The following TSC2 variants were observed in gnomAD, a reference collection of about 807,000 sequenced individuals.
The protein encoded by TSC2 is tuberin.
Under a neutral mutation model 202.2 loss-of-function variants are expected in TSC2, and 29 were observed. The ratio of observed to expected loss-of-function variants is 0.14; its 90% CI spans 0.11 to 0.20. The LOEUF (loss-of-function observed/expected upper bound fraction) is 0.20, where lower values mean the gene tolerates loss of function less well. TSC2 is among the 10% of genes least tolerant of loss of function. TSC2 has a pLI of 1.00. For missense variants in TSC2, 2,429 were observed against 2,420.0 expected, an observed-to-expected ratio of 1.00 and a Z score of -0.08; for synonymous variants, 1,349 against 1,044.0, an observed-to-expected ratio of 1.29 and a Z score of -5.63.
At position 2,079,659 on chromosome 16, in the gene TSC2, T is replaced by C; in HGVS notation, c.3387T>C (p.Arg1129=). ...CCCGTGGGGCCCGGGATCGGGTCCG[T>C]TCCATGTCGGGTGAGCCTTGGCCCC... ...QVSRGARDRV[R]SMSGGHGLRV... The change falls in exon 29 of 42, where the codon CGT becomes CGC. Residue 1129 remains arginine (R), a synonymous_variant. Transcript: ENST00000219476. The surrounding 1 kb of genome is among the most constrained non-coding windows in gnomAD (Gnocchi z 4.6). 6.3e-7 allele frequency: 1 copy of C among 1,595,082 alleles called. No individual in the cohort carries two copies. Among genetic ancestry groups the C allele is most frequent in the African/African-American group, 1.3e-5 (1 of 74,778 alleles).
rs915706457 is a variant in TSC2, at chr16:2,088,696, T to C, written c.*86T>C. ...AAGTCCTGACCCCAGTGCACAGACA[T>C]AGAGGCACAGATTGCAGTCAGACAG... On this transcript the variant is annotated 3_prime_UTR_variant, in exon 42 of 42. Transcript: ENST00000219476. 4.0e-5 allele frequency: 60 copies of C among 1,490,380 alleles called. No individual in the cohort carries two copies. The highest frequency in any genetic ancestry group is 4.8e-5 in the Non-Finnish European group (53 of 1,109,480). 92.3% of individuals were successfully genotyped at this position (1,490,380 alleles called of 1,614,324 possible).
Position 2,089,148 on chromosome 16 carries a change from G to A in TSC2, c.*538G>A, listed in dbSNP as rs563305714. On this transcript the variant is annotated 3_prime_UTR_variant, in exon 42 of 42. Coordinates refer to ENST00000219476, the MANE Select transcript of TSC2 (RefSeq NM_000548.5). ...CCAAGCTCGCATCCAAGCAGCAGCC[G>A]GGCTGCCATAACGCCACCACACCTA... 27 of 169,808 alleles carry A rather than the reference G, an allele frequency of 1.6e-4. No individual in the cohort carries two copies. The South Asian group carries it at 2.6e-3, about 17-fold the overall frequency. 10.5% of individuals were successfully genotyped at this position (169,808 alleles called of 1,614,324 possible).
chr16:2,074,406 C>A lies in TSC2; in HGVS notation c.2545+17C>A, dbSNP rs748247724. ...TCCTGTCCAGTGAGTCCCCGCCCTGCCTGCGCATGCACCCGAGAGGTTCGG... is the reference window on the plus strand; with the variant it reads ...TCCTGTCCAGTGAGTCCCCGCCCTGACTGCGCATGCACCCGAGAGGTTCGG... On this transcript the variant is annotated intron_variant, in intron 22 of 41. Transcript: ENST00000219476. The A allele has an allele frequency of 1.5e-5, 24 of 1,607,508 alleles. No homozygotes were observed. Among genetic ancestry groups the A allele is most frequent in the Non-Finnish European group, 2.0e-5 (24 of 1,179,976 alleles).
intron 11 of TSC2, chr16:2,061,505 A>C (rs996118511): frequency 1.8e-5 from 7 of 380,228 alleles, no homozygotes; most frequent in African/African-American, 8.4e-5. Flanking sequence ...AGTTGTGGCT[A>C]CTCTTGGCCC....
At chr16:2,048,565 C>T (rs368607331) in intron 1 of TSC2, 22 bp from the exon 2 acceptor site, 3 of 1,613,148 alleles carry the variant, frequency 1.9e-6, no homozygotes, top group South Asian at 2.2e-5. Context: ...CAGATGTCCC[C>T]ATTCCTGTTT....
chr16:2,088,232 C>T lies in TSC2; in HGVS notation c.5166C>T (p.Ala1722=), dbSNP rs2151627785. 4 of 1,613,210 alleles carry T rather than the reference C, an allele frequency of 2.5e-6. No homozygotes were observed. The highest frequency in any genetic ancestry group is 3.4e-6 in the Non-Finnish European group (4 of 1,180,008). Residue 1722 remains alanine, a synonymous_variant, in exon 41 of 42, where the codon GCC becomes GCT. Coordinates refer to ENST00000219476, the MANE Select transcript of TSC2 (RefSeq NM_000548.5). The stretch of plus-strand genomic sequence containing the variant: ...CCCCCTGCCTACGTCCCCAGATGGC[C>T]TCACAGGTGCATCATAGCCGCTCCA... ...ARQMALHANM[A]SQVHHSRSNP... is the part of the protein sequence containing the mutation.
At chr16:2,048,829 C>T (rs1384722260) in intron 2 of TSC2, 76 bp downstream of exon 2, 2 of 1,601,254 alleles carry the variant, frequency 1.2e-6, no homozygotes, top group African/African-American at 2.7e-5. Context: ...GCACCAGGTT[C>T]TGTGGGAGAC....
chr16:2,074,167 C>T (rs748710574), intron 21 of TSC2, 33 bp from the exon 22 acceptor site: 28 of 1,609,068 alleles, frequency 1.7e-5, no homozygotes, highest in East Asian at 6.7e-5. Flanking sequence ...CTGCTGCAAG[C>T]GGGTGGGGCC....
chr16:2,059,812 C>CTAAGG (rs2086407149), intron 10 of TSC2, among the ~76,000 whole-genome samples: 1 of 152,274 alleles, frequency 6.6e-6, no homozygotes, highest in Non-Finnish European at 1.5e-5. Flanking sequence ...AGTCACCGTG[C>CTAAGG]CCGGCCAAGG....
In TSC2 at chr16:2,079,345, C is replaced by T. The variant is rs781532053; in HGVS notation, c.3201C>T (p.Val1067=). 6.2e-7 allele frequency: 1 copy of T among 1,613,002 alleles called. No individual in the cohort carries two copies. Among genetic ancestry groups the T allele is most frequent in the Non-Finnish European group, 8.5e-7 (1 of 1,180,022 alleles). The change falls in exon 28 of 42, where the codon GTC becomes GTT. Residue 1067 remains valine, a synonymous_variant. Coordinates refer to ENST00000219476, the MANE Select transcript of TSC2 (RefSeq NM_000548.5). This position sits in a 1 kb window ranked among gnomAD's most constrained non-coding sequence, Gnocchi z 4.6. ...CCTGGCTGGTTGGGAACAAGCTTGT[C>T]ACTGTGACGACAAGCGTGGGAACCG... is the stretch of plus-strand genomic sequence containing the variant. The part of the protein sequence containing the change: ...TKTWLVGNKL[V]TVTTSVGTGT...
At chr16:2,065,268 C>G (rs2087170114) in intron 15 of TSC2, 1 of 461,874 alleles carries the variant, frequency 2.2e-6, no homozygotes. Context: ...AAAAAATTAG[C>G]TGGGCGTGGT....
intron 17 of TSC2, among the ~76,000 whole-genome samples, chr16:2,071,197 C>T (rs1475303915): frequency 6.6e-6 from 1 of 152,230 alleles, no homozygotes; most frequent in African/African-American, 2.4e-5. Flanking sequence ...CGCTTTCTGG[C>T]AGTTGGGGGC....
rs758199372 is a variant in TSC2, at chr16:2,079,472, C to T, written c.3284+44C>T. 2.9e-5 allele frequency: 47 copies of T among 1,611,448 alleles called. No individual in the cohort carries two copies. Among genetic ancestry groups the T allele is most frequent in the South Asian group, 9.9e-5 (9 of 90,964 alleles). ...CCTCCGCGCCTGCCAGCCTCGACACCGGCTGTCCCGAGCCCAGGCCCACGT... is the reference window on the plus strand; with the variant it reads ...CCTCCGCGCCTGCCAGCCTCGACACTGGCTGTCCCGAGCCCAGGCCCACGT... On this transcript the variant is annotated intron_variant, in intron 28 of 41. Coordinates refer to ENST00000219476, the MANE Select transcript of TSC2 (RefSeq NM_000548.5). This position sits in a 1 kb window ranked among gnomAD's most constrained non-coding sequence, Gnocchi z 4.6.
chr16:2,074,520 TG>T, intron 22 of TSC2, 131 bp downstream of exon 22: 1 of 1,162,644 alleles, frequency 8.6e-7, no homozygotes, highest in South Asian at 1.3e-5. Flanking sequence ...CCTCAGGGCC[TG>T]GGCGTCTCTG....
At position 2,056,661 on chromosome 16, in the gene TSC2, G is replaced by A. The variant is rs761351907; in HGVS notation, c.666G>A (p.Leu222=). 1.2e-6 allele frequency: 2 copies of A among 1,611,590 alleles called. No homozygotes were observed. Among genetic ancestry groups the A allele is most frequent in the Admixed American group, 1.7e-5 (1 of 60,024 alleles). ...TCCACCAGGTCTCCCTGCAGGTGCT[G>A]GACGCCGTGGTCTGCTACAACTGCC... ...SVDIEVSLQV[L]DAVVCYNCLP... The change falls in exon 8 of 42, where the codon CTG becomes CTA. Residue 222 remains leucine, a synonymous_variant. Coordinates refer to ENST00000219476, the MANE Select transcript of TSC2 (RefSeq NM_000548.5).
rs780311327 is a variant in TSC2 at position 2,064,435 on chromosome 16, C to A, written c.1599+8C>A. On this transcript the variant is annotated splice_region_variant and intron_variant, in intron 15 of 41. Transcript: ENST00000219476. ...CTGGACATCATCGAGAAGGTGAGAG[C>A]CGTTGTACCCGGGGCCGGGTGCTAG... The A allele has an allele frequency of 1.1e-5, 18 of 1,612,942 alleles. No homozygotes were observed. The highest frequency in any genetic ancestry group is 1.1e-5 in the Non-Finnish European group (13 of 1,180,012).
At chr16:2,081,915 G>GCC (rs1468082833) in intron 31 of TSC2, 117 bp downstream of exon 31, 1 of 1,347,134 alleles carries the variant, frequency 7.4e-7, no homozygotes, top group African/African-American at 1.4e-5. Flanking sequence ...GTGGTCCCTG[G>GCC]CCTGCCTCAG....
intron 36 of TSC2, 66 bp from the exon 37 acceptor site, chr16:2,086,127 C>T: frequency 5.0e-6 from 8 of 1,599,330 alleles, no homozygotes; most frequent in Non-Finnish European, 6.8e-6. Context: ...CTGGGCACCC[C>T]CACCCTCTGC....
intron 16 of TSC2, among the ~76,000 whole-genome samples, chr16:2,069,327 T>G (rs2087861240): frequency 6.6e-6 from 1 of 152,038 alleles, no homozygotes; most frequent in South Asian, 2.1e-4. Context: ...TTAATCATCT[T>G]TTTTTTTGAG....
Sources: gnomAD v4.1 joint callset for allele counts (sites outside exome capture counted in the v4.1 genomes callset) on GRCh38, gnomAD v4.1.1 for gene constraint, Gnocchi (gnomAD v3.1) non-coding constraint, MANE v1.5 for transcripts, NCBI Gene and HGNC (gene_info 2026-07-23, HGNC 2026-07-21) for gene names.